The following NPAS3 variants were observed in gnomAD, a reference collection of about 807,000 sequenced individuals.
NPAS3 encodes neuronal PAS domain-containing protein 3.
NPAS3 carries 14 observed loss-of-function variants against 73.1 expected under a neutral mutation model. The ratio of observed to expected loss-of-function variants is 0.19; its 90% CI spans 0.13 to 0.30. The LOEUF is 0.30. NPAS3 is among the 10% of genes least tolerant of loss of function. The pLI is 1.00. For missense variants in NPAS3, 1,096 were observed against 1,250.0 expected (o/e 0.88, Z 1.86); for synonymous variants, 620 against 541.5 (o/e 1.14, Z -2.01).
Position 33,786,273 on chromosome 14 carries a change from T to C in NPAS3, c.1154-7624T>C, listed in dbSNP as rs141293517. On this transcript the variant is annotated intron_variant, in intron 9 of 11. Coordinates refer to ENST00000356141, the Ensembl canonical transcript of NPAS3. ...TTTCACAATAAAGTACTTGGATTTC[T>C]AAAAATCTACATAACAGATGAACAA... 6.6e-4 allele frequency among the ~76,000 whole-genome samples: 101 copies of C among 152,354 alleles called. 1 individual carries two copies. In the East Asian group the frequency reaches 0.012, roughly 17 times the overall value.
chr14:33,041,176 TTTAATACATA>T (rs1446309070), intron 1 of NPAS3, among the ~76,000 whole-genome samples: 1 of 152,186 alleles, frequency 6.6e-6, no homozygotes, highest in African/African-American at 2.4e-5. Context: ...ATATTTAAAA[TTTAATACATA>T]TTAATGGCCT....
At chr14:33,663,685 T>G (rs2059373869) in intron 5 of NPAS3, among the ~76,000 whole-genome samples, 1 of 152,182 alleles carries the variant, frequency 6.6e-6, no homozygotes, top group African/African-American at 2.4e-5. Flanking sequence ...GGGGTTTTTT[T>G]GGTTGGTAGG....
intron 2 of NPAS3, among the ~76,000 whole-genome samples, chr14:33,210,158 G>A (rs1226251473): frequency 1.3e-5 from 2 of 152,054 alleles, no homozygotes; most frequent in East Asian, 1.9e-4. Context: ...ATTTTTCAAA[G>A]CTAAATTTGA....
chr14:33,739,678 G>C (rs1175698117), intron 7 of NPAS3, among the ~76,000 whole-genome samples: 2 of 152,106 alleles, frequency 1.3e-5, no homozygotes, highest in Non-Finnish European at 2.9e-5. Context: ...AAAATCTATA[G>C]AGCCTCTCCC....
At chr14:33,463,676 G>A (rs1247105963) in intron 4 of NPAS3, among the ~76,000 whole-genome samples, 1 of 152,148 alleles carries the variant, frequency 6.6e-6, no homozygotes, top group Non-Finnish European at 1.5e-5. Flanking sequence ...CTGAGGCAAA[G>A]AAAATATGCC....
intron 4 of NPAS3, among the ~76,000 whole-genome samples, chr14:33,409,214 T>TG (rs1243613501): frequency 6.6e-6 from 1 of 152,130 alleles, no homozygotes; most frequent in South Asian, 2.1e-4. Flanking sequence ...GCAGCCCCAC[T>TG]GGGGGGTTCT....
chr14:33,655,481 C>T lies in NPAS3; in HGVS notation c.559-20730C>T, dbSNP rs1489889262. On this transcript the variant is annotated intron_variant, in intron 5 of 11. Coordinates refer to ENST00000356141, the Ensembl canonical transcript of NPAS3. ...TGGCAGAAGGCAATTCATATAAAAACTTAACAGCACTTTTCTACTATTCTT... is the reference window on the plus strand; with the variant it reads ...TGGCAGAAGGCAATTCATATAAAAATTTAACAGCACTTTTCTACTATTCTT... Among the ~76,000 whole-genome samples, 4 of 152,142 alleles carry T rather than the reference C, an allele frequency of 2.6e-5. No individual in the cohort carries two copies. The East Asian group carries it at 7.7e-4, about 29-fold the overall frequency.
chr14:33,192,910 A>G (rs1006524980), intron 2 of NPAS3, among the ~76,000 whole-genome samples: 6 of 152,180 alleles, frequency 3.9e-5, no homozygotes, highest in Non-Finnish European at 5.9e-5. Context: ...TCTGTGTTTT[A>G]CATTTTAGCT....
intron 4 of NPAS3, among the ~76,000 whole-genome samples, chr14:33,408,924 A>G (rs17101035): frequency 0.19 from 28,269 of 152,134 alleles, 2,862 homozygotes; most frequent in Admixed American, 0.28. Flanking sequence ...AGGGAAAATG[A>G]CTATCAATTA....
chr14:33,608,854 T>G (rs1022682395), intron 5 of NPAS3, among the ~76,000 whole-genome samples: 6 of 152,148 alleles, frequency 3.9e-5, no homozygotes, highest in African/African-American at 1.4e-4. Flanking sequence ...CCCTTGGTGA[T>G]TTCCAGTGCA....
intron 7 of NPAS3, among the ~76,000 whole-genome samples, chr14:33,753,180 A>G (rs1177872849): frequency 6.6e-6 from 1 of 151,920 alleles, no homozygotes; most frequent in Non-Finnish European, 1.5e-5. Context: ...GGAGCTCTAA[A>G]GGATTGGTGT....
chr14:33,777,215 A>C (rs1397518549), intron 8 of NPAS3, among the ~76,000 whole-genome samples: 1 of 152,168 alleles, frequency 6.6e-6, no homozygotes, highest in Non-Finnish European at 1.5e-5. Flanking sequence ...AGGGGGTTTA[A>C]CTGTGCTTGG....
chr14:33,630,371 G>A (rs1424532222), intron 5 of NPAS3, among the ~76,000 whole-genome samples: 1 of 152,132 alleles, frequency 6.6e-6, no homozygotes, highest in Non-Finnish European at 1.5e-5. Flanking sequence ...TGGGATTTGG[G>A]CAATGGCTCC....
intron 5 of NPAS3, chr14:33,611,208 A>G (rs2057737693): frequency 6.6e-6 from 1 of 152,234 alleles, no homozygotes; most frequent in African/African-American, 2.4e-5. Flanking sequence ...ATTGTAAAAA[A>G]TTAAATCTTT....
intron 5 of NPAS3, among the ~76,000 whole-genome samples, chr14:33,643,260 G>T (rs2140192273): frequency 6.6e-6 from 1 of 151,166 alleles, no homozygotes; most frequent in Non-Finnish European, 1.5e-5. Context: ...AGGAATAGTT[G>T]TCAACTTAAA....
At chr14:33,385,801 C>T (rs931378120) in intron 4 of NPAS3, among the ~76,000 whole-genome samples, 7 of 152,164 alleles carry the variant, frequency 4.6e-5, no homozygotes, top group Admixed American at 1.3e-4. Context: ...CACTAGTCAG[C>T]GTCCAAATTG....
At chr14:33,082,814 C>T (rs914855349) in intron 2 of NPAS3, among the ~76,000 whole-genome samples, 13 of 152,070 alleles carry the variant, frequency 8.5e-5, no homozygotes, top group African/African-American at 2.7e-4. Flanking sequence ...TTTTAATGCC[C>T]GGTTGTATTT....
intron 6 of NPAS3, among the ~76,000 whole-genome samples, chr14:33,692,649 T>G (rs558171228): frequency 1.3e-5 from 2 of 152,230 alleles, no homozygotes; most frequent in Admixed American, 6.5e-5. Context: ...TATGCCTTGG[T>G]CTTCCAAAGA....
intron 1 of NPAS3, among the ~76,000 whole-genome samples, chr14:33,011,333 A>G (rs1326015352): frequency 1.3e-5 from 2 of 152,204 alleles, no homozygotes; most frequent in Admixed American, 1.3e-4. Flanking sequence ...CTCAGGGTGC[A>G]ATGTGGGGAC....
Sources: gnomAD v4.1 joint callset for allele counts (sites outside exome capture counted in the v4.1 genomes callset) on GRCh38, gnomAD v4.1.1 for gene constraint, MANE v1.5 for transcripts, NCBI Gene and HGNC (gene_info 2026-07-23, HGNC 2026-07-21) for gene names.